The following SLC9A4 variants were observed in gnomAD, a reference collection of about 807,000 sequenced individuals.
SLC9A4 encodes sodium/hydrogen exchanger 4.
SLC9A4 carries 63 observed loss-of-function variants against 67.4 expected under a neutral mutation model. That is an observed-to-expected ratio of 0.93 (90% CI 0.76 to 1.15). The LOEUF (loss-of-function observed/expected upper bound fraction) is 1.15, where lower values mean the gene tolerates loss of function less well. Among genes scored for constraint, SLC9A4 ranks in the 50% most tolerant of loss-of-function variants. SLC9A4 has a pLI of 0.00. For missense variants in SLC9A4, 1,089 were observed against 987.7 expected (o/e 1.10, Z -1.38); for synonymous variants, 393 against 367.2 (o/e 1.07, Z -0.80).
At chr2:102,479,593 A>G (rs1222182607) in intron 2 of SLC9A4, among the ~76,000 whole-genome samples, 1 of 152,216 alleles carries the variant, frequency 6.6e-6, no homozygotes, top group African/African-American at 2.4e-5. Context: ...TCACTTAGCA[A>G]ACAGAAACTG....
intron 8 of SLC9A4, 133 bp downstream of exon 8, chr2:102,514,384 G>A (rs1685232260): frequency 1.7e-6 from 1 of 577,252 alleles, no homozygotes; most frequent in Non-Finnish European, 2.8e-6. Context: ...TTTAAAATAT[G>A]TAATCTAAGT....
At chr2:102,486,985 A>G (rs1684601613) in intron 2 of SLC9A4, among the ~76,000 whole-genome samples, 1 of 152,160 alleles carries the variant, frequency 6.6e-6, no homozygotes, top group Non-Finnish European at 1.5e-5. Flanking sequence ...ACAACCCTGC[A>G]AAGTCTCAGC....
rs144492198 is a variant in SLC9A4 at position 102,520,021 on chromosome 2, C to T, written c.1818+66C>T. On this transcript the variant is annotated intron_variant, in intron 9 of 11. Coordinates refer to ENST00000295269, the MANE Select transcript of SLC9A4 (RefSeq NM_001011552.4). ...TGAAAACAGTCTCTGAAGGGGGAGTCTGTTGATGTTCAAGTCTCCTGATGT... is the reference window on the plus strand; with the variant it reads ...TGAAAACAGTCTCTGAAGGGGGAGTTTGTTGATGTTCAAGTCTCCTGATGT... 7.4e-4 allele frequency: 1,015 copies of T among 1,373,090 alleles called. 9 individuals carry two copies. The African/African-American group carries it at 0.013, about 18-fold the overall frequency. The allele number at this position is 1,373,090 out of a possible 1,614,324, so 85.1% of individuals were successfully genotyped here.
intron 4 of SLC9A4, among the ~76,000 whole-genome samples, chr2:102,507,244 T>C (rs1388718479): frequency 1.3e-5 from 2 of 152,214 alleles, no homozygotes; most frequent in African/African-American, 4.8e-5. Flanking sequence ...GCACTATCCA[T>C]GTGCCTATTA....
chr2:102,498,912 A>G (rs1684865126), intron 2 of SLC9A4, among the ~76,000 whole-genome samples: 1 of 152,244 alleles, frequency 6.6e-6, no homozygotes, highest in African/African-American at 2.4e-5. Context: ...CTCAGAGTGC[A>G]TTAAATGTAC....
At chr2:102,503,005 A>G (rs375988806) in intron 2 of SLC9A4, among the ~76,000 whole-genome samples, 1 of 152,258 alleles carries the variant, frequency 6.6e-6, no homozygotes, top group Non-Finnish European at 1.5e-5. Flanking sequence ...CTCTCCCCAC[A>G]GGCCCCAGAA....
intron 1 of SLC9A4, among the ~76,000 whole-genome samples, chr2:102,475,542 A>G (rs1385612103): frequency 1.3e-5 from 2 of 152,218 alleles, no homozygotes; most frequent in African/African-American, 4.8e-5. Context: ...ACCCAGATTC[A>G]TTCTGTCTAG....
chr2:102,475,145 G>A (rs1684300847), intron 1 of SLC9A4, among the ~76,000 whole-genome samples: 1 of 152,212 alleles, frequency 6.6e-6, no homozygotes. Flanking sequence ...TAGTGAATAA[G>A]TTACACAAAG....
At chr2:102,519,547 G>A (rs1685352271) in intron 8 of SLC9A4, among the ~76,000 whole-genome samples, 1 of 151,928 alleles carries the variant, frequency 6.6e-6, no homozygotes, top group South Asian at 2.1e-4. Context: ...TTATTGTGTT[G>A]TACAAACATT....
Position 102,495,912 on chromosome 2 carries a change from A to C in SLC9A4, c.721-7536A>C, listed in dbSNP as rs188723866. On this transcript the variant is annotated intron_variant, in intron 2 of 11. Transcript: ENST00000295269. ...AAAGGTATAATTATAAATCTCCTGG[A>C]AGAAAACATGGAAGTAAAATCTTTA... 4.5e-4 allele frequency among the ~76,000 whole-genome samples: 69 copies of C among 152,298 alleles called. No homozygotes were observed. The East Asian group carries it at 8.5e-3, about 19-fold the overall frequency.
chr2:102,516,112 G>A (rs1333009319), intron 8 of SLC9A4, among the ~76,000 whole-genome samples: 1 of 152,142 alleles, frequency 6.6e-6, no homozygotes, highest in Non-Finnish European at 1.5e-5. Context: ...GTATTACATT[G>A]CATCAGTCAT....
chr2:102,532,414 A>C lies in SLC9A4; in HGVS notation c.2123A>C (p.Gln708Pro). 1 of 1,614,234 alleles carries C rather than the reference A, an allele frequency of 6.2e-7. No homozygotes were observed. The highest frequency in any genetic ancestry group is 8.5e-7 in the Non-Finnish European group (1 of 1,180,038). The change falls in exon 12 of 12, where the codon CAA becomes CCA. Residue 708 changes from glutamine to proline, a missense_variant. By Grantham distance (76) the Gln-to-Pro change is moderately conservative. Transcript: ENST00000295269. Reference protein sequence around the residue: ...RIGSLQKQEAQEIIPMKSLHR... With the variant: ...RIGSLQKQEAPEIIPMKSLHR... ...GGGTCACTTCAGAAGCAAGAGGCAC[A>C]AGAAATAATACCAATGAAGAGCCTA...
At chr2:102,479,419 G>A in intron 2 of SLC9A4, 117 bp downstream of exon 2, 4 of 1,092,486 alleles carry the variant, frequency 3.7e-6, no homozygotes, top group Non-Finnish European at 5.2e-6. Context: ...ACAGGGATGA[G>A]CTTCAGCCCA....
At chr2:102,479,528 G>A (rs1300097215) in intron 2 of SLC9A4, among the ~76,000 whole-genome samples, 1 of 152,160 alleles carries the variant, frequency 6.6e-6, no homozygotes, top group East Asian at 1.9e-4. Context: ...AACTAGTTTC[G>A]TTAAAGAGTG....
At chr2:102,489,164 A>G (rs1277146668) in intron 2 of SLC9A4, among the ~76,000 whole-genome samples, 1 of 152,144 alleles carries the variant, frequency 6.6e-6, no homozygotes, top group Non-Finnish European at 1.5e-5. Context: ...CTGACACTAG[A>G]TGGTGAAAGA....
chr2:102,532,465 T>A lies in SLC9A4; in HGVS notation c.2174T>A (p.Phe725Tyr). Residue 725 changes from phenylalanine to tyrosine, a missense_variant, in exon 12 of 12, where the codon TTT (phenylalanine) becomes TAT (tyrosine). By Grantham distance (22) the Phe-to-Tyr change is conservative (BLOSUM62 3). Transcript: ENST00000295269. ...CACAGAGGAAGGAAGGCATTCAGCTTTGGTTATCAAAGAAACACAAGCCAA... is the reference window on the plus strand; with the variant it reads ...CACAGAGGAAGGAAGGCATTCAGCTATGGTTATCAAAGAAACACAAGCCAA... ...SLHRGRKAFS[F>Y]GYQRNTSQEE... is the part of the protein sequence containing the mutation. 6.2e-7 allele frequency: 1 copy of A among 1,614,172 alleles called. No homozygotes were observed. The highest frequency in any genetic ancestry group is 8.5e-7 in the Non-Finnish European group (1 of 1,180,024).
At chr2:102,504,588 T>A (rs1685010773) in intron 3 of SLC9A4, among the ~76,000 whole-genome samples, 1 of 152,242 alleles carries the variant, frequency 6.6e-6, no homozygotes, top group Non-Finnish European at 1.5e-5. Context: ...ATGATGTTGT[T>A]TTCTGTACGG....
chr2:102,510,368 C>T (rs977845234), intron 6 of SLC9A4, among the ~76,000 whole-genome samples: 2 of 152,042 alleles, frequency 1.3e-5, no homozygotes, highest in African/African-American at 2.4e-5. Context: ...CTAGGAAAGC[C>T]CAAAATCCAG....
At chr2:102,477,325 C>A (rs1304997365) in intron 1 of SLC9A4, among the ~76,000 whole-genome samples, 3 of 152,204 alleles carry the variant, frequency 2.0e-5, no homozygotes, top group Non-Finnish European at 4.4e-5. Context: ...AAATTTCTCC[C>A]ATTCTGTCAC....
Sources: gnomAD v4.1 joint callset for allele counts (sites outside exome capture counted in the v4.1 genomes callset) on GRCh38, gnomAD v4.1.1 for gene constraint, MANE v1.5 for transcripts, NCBI Gene and HGNC (gene_info 2026-07-23, HGNC 2026-07-21) for gene names.